The following CPA6 variants were observed in gnomAD, a reference collection of about 807,000 sequenced individuals.
CPA6 encodes the protein carboxypeptidase B.
CPA6 carries 58 observed loss-of-function variants against 63.3 expected under a neutral mutation model. That is an observed-to-expected ratio of 0.92 (90% CI 0.74 to 1.14). The LOEUF is 1.14. Among genes scored for constraint, CPA6 ranks in the 50% most tolerant of loss-of-function variants. The pLI, the probability that CPA6 is intolerant of heterozygous loss-of-function variation, is 0.00. For synonymous variants in CPA6, 185 were observed against 179.0 expected (o/e 1.03, Z -0.27); for missense variants, 565 against 526.6 (o/e 1.07, Z -0.71).
intron 1 of CPA6, among the ~76,000 whole-genome samples, chr8:67,717,581 C>T (rs1334018734): frequency 6.6e-6 from 1 of 152,174 alleles, no homozygotes; most frequent in East Asian, 1.9e-4. Context: ...AAGAGCTTAA[C>T]TATGTGGTAT....
chr8:67,537,866 A>G (rs934291489), intron 2 of CPA6, among the ~76,000 whole-genome samples: 1 of 152,208 alleles, frequency 6.6e-6, no homozygotes, highest in Non-Finnish European at 1.5e-5. Context: ...GCGGTGTCCC[A>G]AAGATTCTAG....
chr8:67,732,972 G>A (rs1427744316), intron 1 of CPA6, among the ~76,000 whole-genome samples: 1 of 151,796 alleles, frequency 6.6e-6, no homozygotes, highest in African/African-American at 2.4e-5. Flanking sequence ...TGAGGCGGGC[G>A]GATCATGAGG....
chr8:67,466,322 G>A (rs1478885076), intron 8 of CPA6, among the ~76,000 whole-genome samples: 2 of 151,886 alleles, frequency 1.3e-5, no homozygotes, highest in African/African-American at 4.8e-5. Flanking sequence ...TGTTGTTTCT[G>A]ATTGTACTTA....
chr8:67,485,918 T>C (rs1294438980), intron 6 of CPA6, among the ~76,000 whole-genome samples: 1 of 152,224 alleles, frequency 6.6e-6, no homozygotes, highest in African/African-American at 2.4e-5. Flanking sequence ...ATGGTTTATA[T>C]AGAATCTGAT....
intron 7 of CPA6, among the ~76,000 whole-genome samples, chr8:67,484,133 G>A (rs1189397939): frequency 2.0e-5 from 3 of 151,476 alleles, no homozygotes; most frequent in Admixed American, 2.0e-4. Flanking sequence ...GCAGTGGCAC[G>A]ATCTCGGCTC....
intron 1 of CPA6, among the ~76,000 whole-genome samples, chr8:67,687,484 T>C (rs1363314404): frequency 6.6e-6 from 1 of 151,468 alleles, no homozygotes; most frequent in Admixed American, 6.6e-5. Flanking sequence ...TGGACTCATA[T>C]GCAATTTTTG....
chr8:67,467,203 A>G (rs375414929), intron 8 of CPA6, among the ~76,000 whole-genome samples: 20 of 152,300 alleles, frequency 1.3e-4, no homozygotes, highest in African/African-American at 4.3e-4. Flanking sequence ...AACAGGCTCA[A>G]GGTTCTGCCT....
At chr8:67,548,254 C>CT (rs781241041) in intron 2 of CPA6, among the ~76,000 whole-genome samples, 403 of 109,750 alleles carry the variant, frequency 3.7e-3, no homozygotes, top group African/African-American at 9.7e-3. Flanking sequence ...CTTTTCTTTT[C>CT]TTTTTTTTTT....
intron 1 of CPA6, among the ~76,000 whole-genome samples, chr8:67,722,263 A>G (rs967051320): frequency 6.6e-6 from 1 of 152,228 alleles, no homozygotes; most frequent in African/African-American, 2.4e-5. Flanking sequence ...TTTCAACAAT[A>G]GTCCCCAAAC....
chr8:67,422,791 T>C, intron 10 of CPA6, 100 bp from the exon 11 acceptor site: 1 of 852,106 alleles, frequency 1.2e-6, no homozygotes, highest in South Asian at 2.2e-5. Flanking sequence ...TAAGCTTTAC[T>C]AAATCCTTCC....
chr8:67,474,066 G>T (rs1489454207), intron 8 of CPA6, among the ~76,000 whole-genome samples: 1 of 152,148 alleles, frequency 6.6e-6, no homozygotes, highest in East Asian at 1.9e-4. Context: ...CTTCCATAAT[G>T]GTAGCAGGCA....
intron 1 of CPA6, among the ~76,000 whole-genome samples, chr8:67,706,031 TG>T (rs957279390): frequency 2.6e-5 from 4 of 152,186 alleles, no homozygotes; most frequent in Non-Finnish European, 1.5e-5. Context: ...GTAAAATAAC[TG>T]GTTGTTTACA....
At chr8:67,498,290 C>T (rs2128963339) in intron 6 of CPA6, among the ~76,000 whole-genome samples, 1 of 152,080 alleles carries the variant, frequency 6.6e-6, no homozygotes, top group Middle Eastern at 3.4e-3. Flanking sequence ...AATCCCAGCA[C>T]TTTGAGAGGC....
intron 8 of CPA6, among the ~76,000 whole-genome samples, chr8:67,435,110 C>T (rs1310598190): frequency 6.6e-6 from 1 of 152,146 alleles, no homozygotes; most frequent in African/African-American, 2.4e-5. Flanking sequence ...TCTGCAAGCC[C>T]ACCTAGGAGG....
chr8:67,489,691 G>A (rs1285914754), intron 6 of CPA6, among the ~76,000 whole-genome samples: 1 of 151,900 alleles, frequency 6.6e-6, no homozygotes, highest in African/African-American at 2.4e-5. Context: ...TACTATATGT[G>A]TTCATTGGAT....
At chr8:67,650,578 A>G (rs1432073091) in intron 1 of CPA6, among the ~76,000 whole-genome samples, 1 of 152,160 alleles carries the variant, frequency 6.6e-6, no homozygotes, top group Non-Finnish European at 1.5e-5. Flanking sequence ...TGAATAAATC[A>G]TGGTGCCAGA....
chr8:67,599,567 T>A (rs1275775854), intron 2 of CPA6, among the ~76,000 whole-genome samples: 1 of 152,218 alleles, frequency 6.6e-6, no homozygotes, highest in Non-Finnish European at 1.5e-5. Context: ...CAATGGCAGC[T>A]GTCTCCTGAT....
At chr8:67,585,717 T>C (rs1182347844) in intron 2 of CPA6, among the ~76,000 whole-genome samples, 1 of 152,166 alleles carries the variant, frequency 6.6e-6, no homozygotes, top group Admixed American at 6.5e-5. Flanking sequence ...ATATGATACG[T>C]AAGTGTCCTT....
At chr8:67,569,420 C>A in intron 2 of CPA6, 1 of 189,602 alleles carries the variant, frequency 5.3e-6, no homozygotes, top group South Asian at 9.8e-5. Flanking sequence ...TACAAAATGC[C>A]CAGTAAAGAC....
Sources: allele counts gnomAD v4.1 joint callset (sites outside exome capture counted in the v4.1 genomes callset), GRCh38; gene constraint gnomAD v4.1.1; transcripts MANE v1.5; gene names NCBI Gene and HGNC (gene_info 2026-07-23, HGNC 2026-07-21).